Variants in ATXN7L1 observed in about 807,000 individuals in gnomAD.
ATXN7L1 encodes ataxin-7-like protein 1.
ATXN7L1 carries 15 observed loss-of-function variants against 70.8 expected under a neutral mutation model. The observed-to-expected ratio is 0.21, with a 90% CI of 0.14 to 0.33. ATXN7L1 has a LOEUF of 0.33. ATXN7L1 is among the 10% of genes least tolerant of loss of function. The probability of loss-of-function intolerance (pLI) is 1.00; values close to 1 mark genes in which losing one functional copy is unlikely to be tolerated. For synonymous variants in ATXN7L1, 440 were observed against 445.1 expected (o/e 0.99, Z 0.14); for missense variants, 975 against 1,097.1 (o/e 0.89, Z 1.57).
chr7:105,709,060 G>A (rs1793537464), intron 3 of ATXN7L1, among the ~76,000 whole-genome samples: 1 of 148,570 alleles, frequency 6.7e-6, no homozygotes, highest in Non-Finnish European at 1.5e-5. Context: ...CTGGCCGGGC[G>A]TATTGGCTCA....
intron 3 of ATXN7L1, among the ~76,000 whole-genome samples, chr7:105,755,609 A>C (rs1437352560): frequency 6.6e-6 from 1 of 152,184 alleles, no homozygotes; most frequent in Admixed American, 6.5e-5. Context: ...TCCTCTTTTT[A>C]AATTTTTCTC....
intron 5 of ATXN7L1, among the ~76,000 whole-genome samples, chr7:105,641,923 AAAAT>A (rs1798313229): frequency 6.6e-6 from 1 of 152,248 alleles, no homozygotes; most frequent in Non-Finnish European, 1.5e-5. Context: ...GTAGACAATA[AAAAT>A]TACCCACAAT....
At chr7:105,708,419 G>C (rs1793451693) in intron 3 of ATXN7L1, among the ~76,000 whole-genome samples, 1 of 152,172 alleles carries the variant, frequency 6.6e-6, no homozygotes, top group Admixed American at 6.5e-5. Context: ...GGGCCAGTAA[G>C]GGCTCCTTCT....
intron 3 of ATXN7L1, among the ~76,000 whole-genome samples, chr7:105,669,279 G>A (rs1029179627): frequency 2.6e-5 from 4 of 151,832 alleles, no homozygotes; most frequent in Admixed American, 6.6e-5. Context: ...ACAGGGTTTC[G>A]CCTTGTTAGC....
chr7:105,819,611 C>T, intron 2 of ATXN7L1: 1 of 888,370 alleles, frequency 1.1e-6, no homozygotes, highest in Non-Finnish European at 1.9e-6. Flanking sequence ...GCTGTGAGGG[C>T]ATCATCATTT....
intron 2 of ATXN7L1, among the ~76,000 whole-genome samples, chr7:105,855,751 T>TTA (rs1436493641): frequency 6.6e-6 from 1 of 152,240 alleles, no homozygotes; most frequent in Non-Finnish European, 1.5e-5. Flanking sequence ...CCTGAGTCTA[T>TTA]ACTGAACATG....
Position 105,638,441 on chromosome 7 carries a change from A to G in ATXN7L1, c.1114T>C (p.Ser372Pro). ...GAGCTCCCTGAAGACCCTAGCAGAG[A>G]ATCCTGTGCCGGCCCGGATTGGCTT... Reference protein sequence around the residue: ...LPSQSGPAQDSLLGSSGSSGP... With the variant: ...LPSQSGPAQDPLLGSSGSSGP... Residue 372 changes from serine to proline, a missense_variant, in exon 7 of 12, where the codon TCT becomes CCT. By Grantham distance (74) the Ser-to-Pro change is moderately conservative (BLOSUM62 -1). Transcript: ENST00000419735. 2 of 1,552,322 alleles carry G rather than the reference A, an allele frequency of 1.3e-6. No individual in the cohort carries two copies. Among genetic ancestry groups the G allele is most frequent in the Middle Eastern group, 1.7e-4 (1 of 5,998 alleles).
At chr7:105,762,323 A>G (rs950746405) in intron 3 of ATXN7L1, among the ~76,000 whole-genome samples, 1 of 152,174 alleles carries the variant, frequency 6.6e-6, no homozygotes, top group African/African-American at 2.4e-5. Context: ...CAGGGCGGAC[A>G]ACCTAGAAGG....
chr7:105,634,828 C>T (rs1225664048), intron 7 of ATXN7L1, among the ~76,000 whole-genome samples: 1 of 151,816 alleles, frequency 6.6e-6, no homozygotes, highest in Non-Finnish European at 1.5e-5. Context: ...GCCTGTAATC[C>T]CAGCATTTGG....
At chr7:105,712,172 G>A (rs1273490496) in intron 3 of ATXN7L1, among the ~76,000 whole-genome samples, 1 of 152,216 alleles carries the variant, frequency 6.6e-6, no homozygotes, top group Non-Finnish European at 1.5e-5. Context: ...GTGTCCCAAG[G>A]CTGCACAGGG....
At chr7:105,761,215 C>T in intron 3 of ATXN7L1, 1 of 1,448,294 alleles carries the variant, frequency 6.9e-7, no homozygotes, top group South Asian at 1.5e-5. Flanking sequence ...CATTTCCTTA[C>T]TAGATCCTGA....
intron 2 of ATXN7L1, among the ~76,000 whole-genome samples, chr7:105,794,951 C>G (rs923478007): frequency 6.6e-6 from 1 of 152,242 alleles, no homozygotes; most frequent in African/African-American, 2.4e-5. Flanking sequence ...ACTTCCCTTA[C>G]TGAACTTCTG....
At chr7:105,690,397 T>C (rs1037943000) in intron 3 of ATXN7L1, among the ~76,000 whole-genome samples, 1 of 152,168 alleles carries the variant, frequency 6.6e-6, no homozygotes, top group African/African-American at 2.4e-5. Flanking sequence ...TCAAGCCTCA[T>C]CCTAATGGTC....
chr7:105,681,656 C>G (rs617965), intron 3 of ATXN7L1, among the ~76,000 whole-genome samples: 39,442 of 152,042 alleles, frequency 0.26, 5,554 homozygotes, highest in African/African-American at 0.37. Context: ...ACCCAAGTGT[C>G]TATCAATGAA....
intron 3 of ATXN7L1, among the ~76,000 whole-genome samples, chr7:105,763,404 G>A (rs2116418373): frequency 6.6e-6 from 1 of 152,316 alleles, no homozygotes. Context: ...TTCCACTCTT[G>A]CCTGCCATCC....
chr7:105,809,334 C>T (rs2116535745), intron 2 of ATXN7L1, among the ~76,000 whole-genome samples: 1 of 152,292 alleles, frequency 6.6e-6, no homozygotes, highest in East Asian at 1.9e-4. Flanking sequence ...GTATTGTTAA[C>T]CATAAGCACA....
At chr7:105,682,656 T>C (rs1301714561) in intron 3 of ATXN7L1, among the ~76,000 whole-genome samples, 2 of 152,012 alleles carry the variant, frequency 1.3e-5, no homozygotes, top group Admixed American at 6.6e-5. Context: ...AAAAACATGA[T>C]GGTAAATGAA....
rs535938004 is a variant in ATXN7L1, at chr7:105,768,023, G to A, written c.355+20581C>T. On this transcript the variant is annotated intron_variant, in intron 3 of 11. Transcript: ENST00000419735. Reference sequence around the variant, plus strand: ...TTGTGCTTGTTTTGAACATTCCATCGTGATGCCCAAGGACGCTTCATAGAT... The same window carrying A: ...TTGTGCTTGTTTTGAACATTCCATCATGATGCCCAAGGACGCTTCATAGAT... 3.0e-4 allele frequency among the ~76,000 whole-genome samples: 45 copies of A among 152,254 alleles called. No individual in the cohort carries two copies. In the South Asian group the frequency reaches 3.5e-3, roughly 12 times the overall value.
At chr7:105,622,706 G>C (rs1295312863) in intron 8 of ATXN7L1, among the ~76,000 whole-genome samples, 1 of 152,166 alleles carries the variant, frequency 6.6e-6, no homozygotes, top group East Asian at 1.9e-4. Context: ...ATCCGGCGGG[G>C]GCATGTGACC....
Sources: gnomAD v4.1 joint callset for allele counts (sites outside exome capture counted in the v4.1 genomes callset) on GRCh38, gnomAD v4.1.1 for gene constraint, MANE v1.5 for transcripts, NCBI Gene and HGNC (gene_info 2026-07-23, HGNC 2026-07-21) for gene names.